TCF3: variants seen among roughly 807,000 people sequenced by gnomAD.
TCF3 encodes transcription factor E2-alpha.
A neutral mutation model predicts 72.3 loss-of-function variants in TCF3; 54 were observed. That is an observed-to-expected ratio of 0.75 (90% CI 0.60 to 0.94). TCF3 has a LOEUF of 0.94. Among genes scored for constraint, TCF3 ranks in the 40% least tolerant of loss-of-function variants. TCF3 has a pLI of 0.00. For missense variants in TCF3, 1,078 were observed against 934.4 expected, an observed-to-expected ratio of 1.15 and a Z score of -2.00; for synonymous variants, 525 against 412.6, an observed-to-expected ratio of 1.27 and a Z score of -3.30.
At position 1,612,195 on chromosome 19, in the gene TCF3, C is replaced by G. The variant is rs201076693; in HGVS notation, c.1823-346G>C. 1.1e-3 allele frequency: 1,690 copies of G among 1,564,686 alleles called. 2 individuals carry two copies. Among genetic ancestry groups the G allele is most frequent in the Non-Finnish European group, 1.4e-3 (1,563 of 1,152,014 alleles). ...GAGAGGGTGCTGGGGCAGCCCTGGC[C>G]GGGGAGCCTACCTCGCACCTGCTGC... On this transcript the variant is annotated intron_variant, in intron 18 of 18. Transcript: ENST00000262965.
chr19:1,641,243 G>A (rs1403536907), intron 3 of TCF3, among the ~76,000 whole-genome samples: 3 of 151,516 alleles, frequency 2.0e-5, no homozygotes, highest in Non-Finnish European at 2.9e-5. Context: ...GATCTCCAGG[G>A]AATTATGCTA....
rs1434694972 is a variant in TCF3, at chr19:1,621,984, CAGG to C, written c.823-17_823-15del. On this transcript the variant is annotated splice_polypyrimidine_tract_variant and intron_variant, in intron 10 of 18. Coordinates refer to ENST00000262965, the MANE Select transcript of TCF3 (RefSeq NM_003200.5). ...CAGCTGGTAGCCCTGGGGGGTCAGG[CAGG>C]AGGAGGGTGGGTTAGATGGGCACTG... 3.1e-6 allele frequency: 5 copies of C among 1,602,674 alleles called. No homozygotes were observed. In the South Asian group the frequency reaches 3.4e-5, roughly 11 times the overall value.
chr19:1,612,128 G>A (rs2061064426), intron 18 of TCF3: 7 of 1,415,234 alleles, frequency 4.9e-6, no homozygotes, highest in African/African-American at 1.4e-5. Flanking sequence ...GGGGCGGCAA[G>A]CACAGGAGGA....
chr19:1,641,076 G>A (rs2145361446), intron 3 of TCF3, among the ~76,000 whole-genome samples: 1 of 151,550 alleles, frequency 6.6e-6, no homozygotes, highest in South Asian at 2.1e-4. Flanking sequence ...TTTGAACTCA[G>A]GAGGCGGAGG....
At chr19:1,616,873 C>G (rs2061599822) in intron 16 of TCF3, among the ~76,000 whole-genome samples, 1 of 152,124 alleles carries the variant, frequency 6.6e-6, no homozygotes, top group Non-Finnish European at 1.5e-5. Flanking sequence ...AAGCATTTGC[C>G]AAAGAATAGA....
intron 11 of TCF3, 35 bp downstream of exon 11, chr19:1,621,803 C>T (rs778201498): frequency 1.9e-6 from 3 of 1,549,112 alleles, no homozygotes; most frequent in Non-Finnish European, 2.6e-6. Flanking sequence ...CCCAGTGTCC[C>T]CTCGGAGAGG....
chr19:1,648,137 G>A (rs1462680733), intron 2 of TCF3, among the ~76,000 whole-genome samples: 2 of 152,218 alleles, frequency 1.3e-5, no homozygotes, highest in Non-Finnish European at 2.9e-5. Context: ...GAACAGCCTG[G>A]GTTAGCGTTC....
intron 8 of TCF3, among the ~76,000 whole-genome samples, chr19:1,623,378 C>T (rs2062486837): frequency 6.7e-6 from 1 of 150,244 alleles, no homozygotes; most frequent in Non-Finnish European, 1.5e-5. Flanking sequence ...TGCGGCACCC[C>T]CCGCTTTTTT....
chr19:1,640,591 G>C (rs569173338), intron 3 of TCF3, among the ~76,000 whole-genome samples: 4 of 152,224 alleles, frequency 2.6e-5, no homozygotes, highest in African/African-American at 9.6e-5. Context: ...GGCCGAGGCG[G>C]GCGGATCACA....
chr19:1,629,077 T>G (rs1157876422), intron 5 of TCF3, among the ~76,000 whole-genome samples: 9 of 38,846 alleles, frequency 2.3e-4, no homozygotes, highest in Non-Finnish European at 2.8e-4. Context: ...GCTCACGGGG[T>G]GAGGCGGGAA....
chr19:1,629,887 G>T (rs546651374), intron 5 of TCF3, among the ~76,000 whole-genome samples: 1 of 152,276 alleles, frequency 6.6e-6, no homozygotes, highest in East Asian at 1.9e-4. Flanking sequence ...TTGGTGACCC[G>T]GGGGGACATG....
At chr19:1,635,819 C>T (rs962516586) in intron 3 of TCF3, among the ~76,000 whole-genome samples, 11 of 152,184 alleles carry the variant, frequency 7.2e-5, no homozygotes, top group African/African-American at 2.7e-4. Flanking sequence ...AATGAAATAA[C>T]AGCCACCACC....
rs977534750 is a variant in TCF3 at position 1,632,507 on chromosome 19, GC to G, written c.146-103del. 4 of 1,295,378 alleles carry G rather than the reference GC, an allele frequency of 3.1e-6. No individual in the cohort carries two copies. The Admixed American group carries it at 8.5e-5, about 28-fold the overall frequency. The allele number at this position is 1,295,378 out of a possible 1,614,324, so 80.2% of individuals were successfully genotyped here. ...GGGCAAACCTCAGTGGACCCGGGGGGCTTGTGGAACCCTTCCTAACCCAGCC... is the reference window on the plus strand; with the variant it reads ...GGGCAAACCTCAGTGGACCCGGGGGGTTGTGGAACCCTTCCTAACCCAGCC... On this transcript the variant is annotated intron_variant, in intron 3 of 18. Coordinates refer to ENST00000262965, the MANE Select transcript of TCF3 (RefSeq NM_003200.5).
chr19:1,648,943 C>T (rs898758873), intron 2 of TCF3, among the ~76,000 whole-genome samples: 1 of 152,180 alleles, frequency 6.6e-6, no homozygotes, highest in African/African-American at 2.4e-5. Flanking sequence ...CAAACCGAGG[C>T]CCCGGGCCTT....
At chr19:1,648,586 G>T (rs532647879) in intron 2 of TCF3, among the ~76,000 whole-genome samples, 92 of 152,364 alleles carry the variant, frequency 6.0e-4, no homozygotes, top group Admixed American at 5.9e-4. Context: ...TACTCAGCCA[G>T]GGAAGCAAAA....
In TCF3 at chr19:1,646,413, A is replaced by G; in HGVS notation, c.87T>C (p.Pro29=). Residue 29 remains proline (P), a synonymous_variant, in exon 3 of 19, where the codon CCT becomes CCC. Transcript: ENST00000262965. ...LLDFSMMFPL[P]VTNGKGRPAS... ...CGGGCCGGCCCTTCCCGTTGGTGACAGGCAGCGGGAACATCTGCAGGGAGG... is the reference window on the plus strand; with the variant it reads ...CGGGCCGGCCCTTCCCGTTGGTGACGGGCAGCGGGAACATCTGCAGGGAGG... 1.9e-6 allele frequency: 3 copies of G among 1,548,798 alleles called. No individual in the cohort carries two copies. The highest frequency in any genetic ancestry group is 2.6e-6 in the Non-Finnish European group (3 of 1,145,838).
intron 16 of TCF3, 64 bp downstream of exon 16, chr19:1,619,047 C>T: frequency 6.3e-7 from 1 of 1,596,322 alleles, no homozygotes. Flanking sequence ...ACCCCCACCA[C>T]TAGAGTGCCT....
rs1167909212 is a variant in TCF3, at chr19:1,619,455, T to C, written c.1187A>G (p.His396Arg). The change falls in exon 15 of 19, where the codon CAC becomes CGC. Residue 396 changes from histidine (H) to arginine (R), a missense_variant. By Grantham distance (29) the His-to-Arg change is conservative. Coordinates refer to ENST00000262965, the MANE Select transcript of TCF3 (RefSeq NM_003200.5). ...LHGLQSKIED[H>R]LDEAIHVLRS... ...GAGCACGTGGATGGCCTCGTCCAGGTGGTCTTCTATCTTACTCTGCTGCAG... is the reference window on the plus strand; with the variant it reads ...GAGCACGTGGATGGCCTCGTCCAGGCGGTCTTCTATCTTACTCTGCTGCAG... 1 of 1,582,834 alleles carries C rather than the reference T, an allele frequency of 6.3e-7. No individual in the cohort carries two copies. Among genetic ancestry groups the C allele is most frequent in the African/African-American group, 1.4e-5 (1 of 74,002 alleles).
At chr19:1,643,726 G>C (rs893029561) in intron 3 of TCF3, among the ~76,000 whole-genome samples, 1 of 152,174 alleles carries the variant, frequency 6.6e-6, no homozygotes, top group Non-Finnish European at 1.5e-5. Flanking sequence ...TATAAATATC[G>C]AAGAACAGGC....
Sources: gnomAD v4.1 joint callset for allele counts (sites outside exome capture counted in the v4.1 genomes callset) on GRCh38, gnomAD v4.1.1 for gene constraint, MANE v1.5 for transcripts, NCBI Gene and HGNC (gene_info 2026-07-23, HGNC 2026-07-21) for gene names.